Variants in SAMMSON observed in about 807,000 individuals in gnomAD.
SAMMSON encodes survival associated mitochondrial melanoma specific oncogenic non-coding RNA.
chr3:70,079,477 G>A (rs1208886457), intron 4 of SAMMSON, among the ~76,000 whole-genome samples: 20 of 152,188 alleles, frequency 1.3e-4, no homozygotes, highest in Admixed American at 1.3e-3. Context: ...TGGTGTGAAA[G>A]TGATATGCAT....
intron 9 of SAMMSON, among the ~76,000 whole-genome samples, chr3:70,360,488 G>A (rs1251127751): frequency 6.6e-6 from 1 of 152,056 alleles, no homozygotes; most frequent in Non-Finnish European, 1.5e-5. Flanking sequence ...GGAAAGTAAC[G>A]AGATTATAGA....
chr3:70,388,841 G>T (rs1251287399), intron 9 of SAMMSON, among the ~76,000 whole-genome samples: 1 of 152,024 alleles, frequency 6.6e-6, no homozygotes, highest in African/African-American at 2.4e-5. Context: ...GATGTGGTTT[G>T]TCCCCACCAA....
Position 70,372,075 on chromosome 3 carries a change from G to T in SAMMSON, n.913+13751G>T, listed in dbSNP as rs372391389. Among the ~76,000 whole-genome samples the T allele has an allele frequency of 3.2e-4, 48 of 152,136 alleles. 2 individuals carry two copies. In the East Asian group the frequency reaches 4.4e-3, roughly 14 times the overall value. On this transcript the variant is annotated intron_variant and non_coding_transcript_variant, in intron 9 of 9. Transcript: ENST00000642114. ...TTGCATTTCATAAAATGCTTTTTATGTGTCTATTGAGAATCATCAGAAATT... is the reference window on the plus strand; with the variant it reads ...TTGCATTTCATAAAATGCTTTTTATTTGTCTATTGAGAATCATCAGAAATT...
Position 70,290,434 on chromosome 3 carries a change from C to T in SAMMSON, n.675-745C>T, listed in dbSNP as rs372585120. Among the ~76,000 whole-genome samples the T allele has an allele frequency of 4.9e-3, 745 of 152,298 alleles. 8 individuals are homozygous for T. The highest frequency in any genetic ancestry group is 0.017 in the African/African-American group (705 of 41,572). On this transcript the variant is annotated intron_variant and non_coding_transcript_variant, in intron 6 of 9. Transcript: ENST00000642114. Reference sequence around the variant, plus strand: ...CTGCCCCTTCTCAGATCTCCAGCTGCGTACTGGGAGAACCACTGCTCTCTT... The same window carrying T: ...CTGCCCCTTCTCAGATCTCCAGCTGTGTACTGGGAGAACCACTGCTCTCTT...
intron 7 of SAMMSON, among the ~76,000 whole-genome samples, chr3:70,320,174 G>A (rs964939818): frequency 2.0e-5 from 3 of 152,002 alleles, no homozygotes; most frequent in East Asian, 1.9e-4. Context: ...GCCATTAGTG[G>A]ATACTACAGA....
intron 7 of SAMMSON, among the ~76,000 whole-genome samples, chr3:70,341,746 A>G (rs1267089523): frequency 6.6e-6 from 1 of 152,212 alleles, no homozygotes. Context: ...TTAGAGCAGA[A>G]GGGCAGAAAG....
At chr3:70,259,047 T>C (rs949831646) in intron 6 of SAMMSON, among the ~76,000 whole-genome samples, 10 of 152,210 alleles carry the variant, frequency 6.6e-5, no homozygotes, top group African/African-American at 2.2e-4. Context: ...AAAGATACAG[T>C]TGATGTGCTT....
At chr3:70,284,961 C>T (rs912259514) in intron 6 of SAMMSON, among the ~76,000 whole-genome samples, 1 of 152,078 alleles carries the variant, frequency 6.6e-6, no homozygotes, top group African/African-American at 2.4e-5. Context: ...TTTGAAGTTT[C>T]ATTAACAATG....
At chr3:70,220,090 G>A (rs542025825) in intron 4 of SAMMSON, among the ~76,000 whole-genome samples, 2 of 152,208 alleles carry the variant, frequency 1.3e-5, no homozygotes, top group South Asian at 4.2e-4. Context: ...AGAAATAACT[G>A]TTCCTGAAGC....
At chr3:70,113,423 A>T (rs2067397683) in intron 4 of SAMMSON, among the ~76,000 whole-genome samples, 1 of 152,226 alleles carries the variant, frequency 6.6e-6, no homozygotes, top group Admixed American at 6.5e-5. Context: ...AATTATATAC[A>T]AGCAGTCTAT....
chr3:70,039,113 T>A (rs2067096845), intron 3 of SAMMSON, among the ~76,000 whole-genome samples: 2 of 152,094 alleles, frequency 1.3e-5, no homozygotes, highest in Non-Finnish European at 2.9e-5. Flanking sequence ...CTAGCCTCAG[T>A]CTGATCACTA....
chr3:70,192,244 C>A (rs1236287514), intron 4 of SAMMSON, among the ~76,000 whole-genome samples: 2 of 152,154 alleles, frequency 1.3e-5, no homozygotes, highest in Non-Finnish European at 2.9e-5. Flanking sequence ...TGTGCAAGCA[C>A]CTCTAATACA....
intron 7 of SAMMSON, among the ~76,000 whole-genome samples, chr3:70,350,988 A>G (rs939484632): frequency 4.6e-5 from 7 of 152,200 alleles, no homozygotes; most frequent in Non-Finnish European, 8.8e-5. Context: ...ATATGGTAGG[A>G]AAGAAGCCTT....
chr3:70,329,416 G>A (rs1017260800), intron 7 of SAMMSON, among the ~76,000 whole-genome samples: 5 of 151,968 alleles, frequency 3.3e-5, no homozygotes, highest in African/African-American at 1.2e-4. Context: ...AGAGAGGTGT[G>A]GAGCTCAGTT....
At chr3:70,201,184 C>A (rs1701234480) in intron 4 of SAMMSON, among the ~76,000 whole-genome samples, 1 of 151,886 alleles carries the variant, frequency 6.6e-6, no homozygotes, top group Non-Finnish European at 1.5e-5. Context: ...TTTCCTGATC[C>A]TCTCCCTCCT....
Position 70,176,366 on chromosome 3 carries a change from G to C in SAMMSON, n.508-72741G>C, listed in dbSNP as rs187764533. Among the ~76,000 whole-genome samples, 11 of 152,274 alleles carry C rather than the reference G, an allele frequency of 7.2e-5. 1 individual carries two copies. Among genetic ancestry groups the C allele is most frequent in the Admixed American group, 6.5e-4 (10 of 15,288 alleles). On this transcript the variant is annotated intron_variant and non_coding_transcript_variant, in intron 4 of 9. Transcript: ENST00000642114. ...CAAGTAATTAGAGGCATTAAGGAAAGCAGAAGAAGCTTCTGTGGGTGAGAT... is the reference window on the plus strand; with the variant it reads ...CAAGTAATTAGAGGCATTAAGGAAACCAGAAGAAGCTTCTGTGGGTGAGAT...
At chr3:70,098,317 C>G (rs980580938) in intron 4 of SAMMSON, among the ~76,000 whole-genome samples, 3 of 152,148 alleles carry the variant, frequency 2.0e-5, no homozygotes, top group Non-Finnish European at 4.4e-5. Context: ...CCCTTCCCTC[C>G]TATCCTGTTC....
chr3:70,242,513 G>A lies in SAMMSON; in HGVS notation n.508-6594G>A, dbSNP rs151095263. On this transcript the variant is annotated intron_variant and non_coding_transcript_variant, in intron 4 of 9. Transcript: ENST00000642114. Reference sequence around the variant, plus strand: ...CATGATAGCTTCTAAGTTGTTTCCTGTTGTTCTTGGCCTCATTGCAATCCT... The same window carrying A: ...CATGATAGCTTCTAAGTTGTTTCCTATTGTTCTTGGCCTCATTGCAATCCT... 1.3e-3 allele frequency among the ~76,000 whole-genome samples: 203 copies of A among 152,242 alleles called. 2 individuals carry two copies. The highest frequency in any genetic ancestry group is 4.7e-3 in the African/African-American group (196 of 41,544).
chr3:70,359,312 A>C (rs1163452392), intron 9 of SAMMSON, among the ~76,000 whole-genome samples: 5 of 152,192 alleles, frequency 3.3e-5, no homozygotes, highest in Admixed American at 2.0e-4. Flanking sequence ...TGAGTTAAGC[A>C]TTAAATGCTG....
Sources: allele counts gnomAD v4.1 joint callset (sites outside exome capture counted in the v4.1 genomes callset), GRCh38; gene constraint gnomAD v4.1.1; transcripts MANE v1.5; gene names NCBI Gene and HGNC (gene_info 2026-07-23, HGNC 2026-07-21).